Variants in INO80D observed in about 807,000 individuals in gnomAD.
INO80D encodes the protein INO80 complex subunit D.
Under a neutral mutation model 87.6 loss-of-function variants are expected in INO80D, and 21 were observed. The ratio of observed to expected loss-of-function variants is 0.24; its 90% CI spans 0.17 to 0.35. The LOEUF (loss-of-function observed/expected upper bound fraction) is 0.35. Ranked by LOEUF, INO80D falls within the 10% of genes least tolerant of loss-of-function variation. The pLI is 1.00. For missense variants in INO80D, 982 were observed against 1,280.7 expected (o/e 0.77, Z 3.56); for synonymous variants, 440 against 491.0 (o/e 0.90, Z 1.37).
intron 10 of INO80D, among the ~76,000 whole-genome samples, chr2:206,006,452 G>C (rs979615910): frequency 2.6e-5 from 4 of 152,064 alleles, no homozygotes; most frequent in African/African-American, 9.7e-5. Flanking sequence ...GGAGGCCAAG[G>C]CAGGTGGATC....
intron 5 of INO80D, among the ~76,000 whole-genome samples, chr2:206,041,695 T>G (rs2105856776): frequency 6.6e-6 from 1 of 152,346 alleles, no homozygotes; most frequent in South Asian, 2.1e-4. Flanking sequence ...ATTAACCAAC[T>G]TGACCTAATT....
In INO80D at chr2:206,063,252, A is replaced by C; in HGVS notation, c.-123-8T>G. 3.7e-6 allele frequency: 2 copies of C among 542,204 alleles called. No individual in the cohort carries two copies. Among genetic ancestry groups the C allele is most frequent in the South Asian group, 5.5e-5 (2 of 36,550 alleles). The allele number at this position is 542,204 out of a possible 1,614,324, so 33.6% of individuals were successfully genotyped here. On this transcript the variant is annotated splice_region_variant and splice_polypyrimidine_tract_variant and intron_variant, in intron 1 of 10. Transcript: ENST00000403263. ...CAGGATGAAGCAGATTGTCTATAAAAATATCAAAAGGCCTAGTTAACAAAC... is the reference window on the plus strand; with the variant it reads ...CAGGATGAAGCAGATTGTCTATAAACATATCAAAAGGCCTAGTTAACAAAC...
intron 8 of INO80D, among the ~76,000 whole-genome samples, chr2:206,013,551 C>CA (rs201436038): frequency 0.38 from 47,066 of 122,532 alleles, 8,307 homozygotes; most frequent in South Asian, 0.61. Flanking sequence ...GACTCCATCT[C>CA]AAAAAAAAAA....
rs1487869402 is a variant in INO80D, at chr2:206,017,778, T to C, written c.1444A>G (p.Ser482Gly). ...CCATCTGCAAACTTGGCTGTGCAACTTGAGAAGAGCTGCTGAGAGTGGTTC... is the reference window on the plus strand; with the variant it reads ...CCATCTGCAAACTTGGCTGTGCAACCTGAGAAGAGCTGCTGAGAGTGGTTC... Reference protein sequence around the residue: ...LLNHSQQLFSSCTAKFADGQQ... With the variant: ...LLNHSQQLFSGCTAKFADGQQ... Residue 482 changes from serine to glycine, a missense_variant, in exon 8 of 11, where the codon AGT becomes GGT. Ser to Gly is a moderately conservative substitution (Grantham distance 56). Coordinates refer to ENST00000403263, the MANE Select transcript of INO80D (RefSeq NM_017759.5). The C allele has an allele frequency of 6.2e-7, 1 of 1,613,718 alleles. No individual in the cohort carries two copies. Among genetic ancestry groups the C allele is most frequent in the Admixed American group, 1.7e-5 (1 of 59,938 alleles).
intron 6 of INO80D, among the ~76,000 whole-genome samples, chr2:206,022,578 A>G (rs556667229): frequency 1.3e-5 from 2 of 152,258 alleles, no homozygotes; most frequent in South Asian, 4.1e-4. Context: ...TAGTCACTGT[A>G]TGATTGTGGG....
At position 206,046,908 on chromosome 2, in the gene INO80D, G is replaced by A. The variant is rs927142020; in HGVS notation, c.965-296C>T. 4.6e-5 allele frequency among the ~76,000 whole-genome samples: 7 copies of A among 152,126 alleles called. No homozygotes were observed. In the South Asian group the frequency reaches 8.3e-4, roughly 18 times the overall value. On this transcript the variant is annotated intron_variant, in intron 4 of 10. Coordinates refer to ENST00000403263, the MANE Select transcript of INO80D (RefSeq NM_017759.5). ...CGATTCTCCTGTCTCGGCCTCCCGA[G>A]TAGCCAGGACTACACGCGCCAGCCA... is the stretch of plus-strand genomic sequence containing the variant.
intron 1 of INO80D, among the ~76,000 whole-genome samples, chr2:206,071,214 C>G (rs1689957343): frequency 7.1e-6 from 1 of 140,070 alleles, no homozygotes; most frequent in Non-Finnish European, 1.5e-5. Flanking sequence ...CTGCCTCAGC[C>G]TCCCAAAGTG....
chr2:206,081,720 G>A (rs972085952), intron 1 of INO80D, among the ~76,000 whole-genome samples: 2 of 147,070 alleles, frequency 1.4e-5, no homozygotes, highest in Admixed American at 1.4e-4. Context: ...TCATGCCACT[G>A]TACTCCAGGC....
chr2:206,044,691 A>G (rs1317775222), intron 5 of INO80D, among the ~76,000 whole-genome samples: 5 of 152,324 alleles, frequency 3.3e-5, no homozygotes, highest in Admixed American at 1.3e-4. Context: ...AGAATAGAAT[A>G]CACATTGTTC....
intron 9 of INO80D, 24 bp from the exon 10 acceptor site, chr2:206,007,465 C>T: frequency 6.3e-7 from 1 of 1,582,772 alleles, no homozygotes; most frequent in Non-Finnish European, 8.6e-7. Context: ...CACTGTTGGT[C>T]CCATAACTCC....
chr2:206,015,962 AC>A (rs1688307390), intron 8 of INO80D, among the ~76,000 whole-genome samples: 1 of 152,116 alleles, frequency 6.6e-6, no homozygotes, highest in Admixed American at 6.5e-5. Context: ...CTCCAGGGGA[AC>A]CTCTGCTAGA....
chr2:206,017,654 T>A, intron 8 of INO80D, 26 bp downstream of exon 8: 1 of 1,529,998 alleles, frequency 6.5e-7, no homozygotes, highest in African/African-American at 1.4e-5. Flanking sequence ...TACAAAAAGT[T>A]TGAAAGCCTC....
rs1687834666 is a variant in INO80D, at chr2:205,997,771, TA to T, written c.*6596del. 6.6e-6 allele frequency: 1 copy of T among 152,198 alleles called. No individual in the cohort carries two copies. The highest frequency in any genetic ancestry group is 2.1e-4 in the South Asian group (1 of 4,832). 9.4% of individuals were successfully genotyped at this position (152,198 alleles called of 1,614,324 possible). A position where few individuals can be genotyped will look rare whatever the true frequency, so the allele number is the denominator to read the frequency against. ...TCAGAGCTAGCCTTTTAACATAAGA[TA>T]ACATAATGATTAATTTGGTGTATTT... is the stretch of plus-strand genomic sequence containing the variant. On this transcript the variant is annotated 3_prime_UTR_variant, in exon 11 of 11. Transcript: ENST00000403263.
At chr2:206,044,857 T>C (rs1006438954) in intron 5 of INO80D, among the ~76,000 whole-genome samples, 5 of 152,220 alleles carry the variant, frequency 3.3e-5, no homozygotes, top group Non-Finnish European at 7.3e-5. Flanking sequence ...ATTAAGCTGA[T>C]ACGAATTACC....
At position 205,999,384 on chromosome 2, in the gene INO80D, A is replaced by C. The variant is rs759956176; in HGVS notation, c.*4984T>G. The C allele has an allele frequency of 6.6e-6, 1 of 152,226 alleles. No individual in the cohort carries two copies. The highest frequency in any genetic ancestry group is 2.4e-5 in the African/African-American group (1 of 41,460). 9.4% of individuals were successfully genotyped at this position (152,226 alleles called of 1,614,324 possible). On this transcript the variant is annotated 3_prime_UTR_variant, in exon 11 of 11. Transcript: ENST00000403263. ...TCACTGAGAGTTAGATTTTTCTCTT[A>C]TACGAGTATTGATCTAAACTTTAGA... is the stretch of plus-strand genomic sequence containing the variant.
At chr2:206,035,937 C>T (rs749033005) in intron 5 of INO80D, among the ~76,000 whole-genome samples, 2 of 151,968 alleles carry the variant, frequency 1.3e-5, no homozygotes, top group Non-Finnish European at 2.9e-5. Flanking sequence ...AGACAATTCC[C>T]AAAAGAAGAT....
At chr2:206,036,826 G>T (rs184512452) in intron 5 of INO80D, among the ~76,000 whole-genome samples, 1 of 152,142 alleles carries the variant, frequency 6.6e-6, no homozygotes, top group Non-Finnish European at 1.5e-5. Context: ...ATGATTATAC[G>T]ATTTTCTAAA....
intron 4 of INO80D, among the ~76,000 whole-genome samples, chr2:206,049,596 C>A (rs1689293106): frequency 6.6e-6 from 1 of 152,162 alleles, no homozygotes; most frequent in Admixed American, 6.5e-5. Context: ...TCCAATAAAG[C>A]AAACCTTTGA....
intron 3 of INO80D, among the ~76,000 whole-genome samples, chr2:206,058,490 T>C (rs1689593167): frequency 6.6e-6 from 1 of 150,708 alleles, no homozygotes; most frequent in African/African-American, 2.4e-5. Context: ...ATCCCAGCAC[T>C]TTGGGAGGCC....
Sources: allele counts gnomAD v4.1 joint callset (sites outside exome capture counted in the v4.1 genomes callset), GRCh38; gene constraint gnomAD v4.1.1; transcripts MANE v1.5; gene names NCBI Gene and HGNC (gene_info 2026-07-23, HGNC 2026-07-21).